Variants in RIMS2 observed in about 807,000 individuals in gnomAD.
RIMS2 encodes regulating synaptic membrane exocytosis protein 2.
A neutral mutation model predicts 174.4 loss-of-function variants in RIMS2; 59 were observed. The observed-to-expected ratio is 0.34, with a 90% CI of 0.27 to 0.42. The LOEUF is 0.42. RIMS2 is among the 10% of genes least tolerant of loss of function. RIMS2 has a pLI of 1.00. For synonymous variants in RIMS2, 606 were observed against 572.5 expected, an observed-to-expected ratio of 1.06 and a Z score of -0.84; for missense variants, 1,620 against 1,666.3, an observed-to-expected ratio of 0.97 and a Z score of 0.48.
At chr8:103,822,601 C>G (rs771303281) in intron 3 of RIMS2, among the ~76,000 whole-genome samples, 4 of 151,782 alleles carry the variant, frequency 2.6e-5, no homozygotes, top group Non-Finnish European at 5.9e-5. Flanking sequence ...TTAGCTTATT[C>G]TCTTATTGTA....
At chr8:103,679,752 A>G (rs879703313) in intron 1 of RIMS2, among the ~76,000 whole-genome samples, 1 of 151,998 alleles carries the variant, frequency 6.6e-6, no homozygotes, top group Non-Finnish European at 1.5e-5. Context: ...ATAAGAAAGT[A>G]GAAAAATATT....
chr8:103,718,100 A>G (rs544963639), intron 2 of RIMS2, among the ~76,000 whole-genome samples: 85 of 152,312 alleles, frequency 5.6e-4, no homozygotes, highest in Non-Finnish European at 9.9e-4. Context: ...TGTGAATGCC[A>G]TACAGACTCT....
At chr8:103,804,270 T>C (rs1386338429) in intron 3 of RIMS2, among the ~76,000 whole-genome samples, 1 of 152,140 alleles carries the variant, frequency 6.6e-6, no homozygotes, top group Non-Finnish European at 1.5e-5. Context: ...CAAGAGAGAA[T>C]GAGAATCAAA....
chr8:103,975,178 C>T (rs1039207900), intron 15 of RIMS2, among the ~76,000 whole-genome samples, 172 bp from the exon 18 acceptor site: 1 of 152,008 alleles, frequency 6.6e-6, no homozygotes, highest in Non-Finnish European at 1.5e-5. Context: ...TTTTTAATTT[C>T]TGTTTTCATA....
intron 14 of RIMS2, among the ~76,000 whole-genome samples, chr8:103,947,968 T>C (rs1327253694): frequency 6.6e-6 from 1 of 152,138 alleles, no homozygotes; most frequent in Admixed American, 6.6e-5. Flanking sequence ...GCATCCATGA[T>C]ATATAAGGAG....
chr8:103,918,372 A>G (rs2076993825), intron 8 of RIMS2, 69 bp from the exon 12 acceptor site: 1 of 945,386 alleles, frequency 1.1e-6, no homozygotes, highest in Non-Finnish European at 1.6e-6. Context: ...GTTGATAATA[A>G]TAAAAAATAT....
chr8:103,974,145 G>A (rs2093196322), intron 15 of RIMS2, among the ~76,000 whole-genome samples: 4 of 152,074 alleles, frequency 2.6e-5, no homozygotes, highest in African/African-American at 9.7e-5. Flanking sequence ...GCCCTATTCT[G>A]CTCTTCTCCT....
chr8:103,739,092 T>A (rs554048460), intron 2 of RIMS2, among the ~76,000 whole-genome samples: 12 of 152,244 alleles, frequency 7.9e-5, no homozygotes, highest in African/African-American at 2.9e-4. Context: ...ATGTTTATTG[T>A]GGCACTATTC....
intron 1 of RIMS2, among the ~76,000 whole-genome samples, chr8:103,519,681 C>T (rs1171150938): frequency 4.0e-5 from 6 of 149,306 alleles, no homozygotes; most frequent in Admixed American, 6.7e-5. Flanking sequence ...TGATTTCTGG[C>T]TTGGGTTCTG....
chr8:103,837,098 T>G (rs1339812769), intron 3 of RIMS2, among the ~76,000 whole-genome samples: 1 of 152,246 alleles, frequency 6.6e-6, no homozygotes, highest in Non-Finnish European at 1.5e-5. Flanking sequence ...GTCTAATAAA[T>G]TACCATAGCT....
At chr8:103,561,525 C>G (rs1427496656) in intron 1 of RIMS2, among the ~76,000 whole-genome samples, 2 of 152,140 alleles carry the variant, frequency 1.3e-5, no homozygotes, top group Non-Finnish European at 2.9e-5. Flanking sequence ...ATTACCAGTT[C>G]TTACCCATCG....
chr8:103,713,032 T>G (rs1433062126), intron 2 of RIMS2, among the ~76,000 whole-genome samples: 1 of 151,830 alleles, frequency 6.6e-6, no homozygotes, highest in Non-Finnish European at 1.5e-5. Flanking sequence ...TTCCTTTCTT[T>G]CTTTTTGATG....
At chr8:103,664,329 A>T (rs963059164) in intron 1 of RIMS2, among the ~76,000 whole-genome samples, 2 of 152,230 alleles carry the variant, frequency 1.3e-5, no homozygotes, top group Admixed American at 6.5e-5. Flanking sequence ...AACTATCATC[A>T]GAGTGAACAG....
intron 19 of RIMS2, among the ~76,000 whole-genome samples, chr8:104,032,533 T>C (rs116561676): frequency 2.6e-5 from 4 of 152,046 alleles, no homozygotes; most frequent in African/African-American, 2.4e-5. Context: ...ATGGATTAAG[T>C]AGAAGACAAA....
At chr8:104,164,906 CAT>C (rs766174442) in intron 19 of RIMS2, among the ~76,000 whole-genome samples, 1 of 152,100 alleles carries the variant, frequency 6.6e-6, no homozygotes, top group Non-Finnish European at 1.5e-5. Flanking sequence ...CCCCATGACA[CAT>C]GTTTACCTAT....
chr8:103,984,743 G>T (rs1413710010), intron 16 of RIMS2, among the ~76,000 whole-genome samples: 2 of 152,176 alleles, frequency 1.3e-5, no homozygotes, highest in African/African-American at 4.8e-5. Flanking sequence ...AGGCATATTT[G>T]CCCTGTCATA....
At chr8:103,590,961 G>T (rs768662317) in intron 1 of RIMS2, among the ~76,000 whole-genome samples, 1 of 150,810 alleles carries the variant, frequency 6.6e-6, no homozygotes, top group African/African-American at 2.4e-5. Context: ...ATGAGAAATT[G>T]CCAGGCCTTT....
chr8:103,821,598 G>GA (rs1441185505), intron 3 of RIMS2, among the ~76,000 whole-genome samples: 1 of 151,662 alleles, frequency 6.6e-6, no homozygotes, highest in African/African-American at 2.4e-5. Flanking sequence ...TATGATGAGT[G>GA]AAAAAATAAG....
intron 19 of RIMS2, among the ~76,000 whole-genome samples, chr8:104,090,113 T>C (rs1404922257): frequency 2.0e-5 from 3 of 151,620 alleles, no homozygotes; most frequent in Non-Finnish European, 3.0e-5. Context: ...CAAGAGGTCA[T>C]GTGTGATGAA....
Sources: allele counts gnomAD v4.1 joint callset (sites outside exome capture counted in the v4.1 genomes callset), GRCh38; gene constraint gnomAD v4.1.1; transcripts MANE v1.5; gene names NCBI Gene and HGNC (gene_info 2026-07-23, HGNC 2026-07-21).